Variants in GTF2H1 observed in about 807,000 individuals in gnomAD.
GTF2H1 encodes general transcription factor IIH subunit 1, also known as BTF2 p62.
Under a neutral mutation model 71.2 loss-of-function variants are expected in GTF2H1, and 16 were observed. That is an observed-to-expected ratio of 0.22 (90% CI 0.15 to 0.34). The LOEUF is 0.34. Among genes scored for constraint, GTF2H1 ranks in the 10% least tolerant of loss-of-function variants. The pLI is 1.00. For missense variants in GTF2H1, 498 were observed against 648.2 expected, an observed-to-expected ratio of 0.77 and a Z score of 2.52; for synonymous variants, 215 against 219.0, an observed-to-expected ratio of 0.98 and a Z score of 0.16.
chr11:18,357,173 T>C (rs980687312), intron 11 of GTF2H1, among the ~76,000 whole-genome samples: 2 of 152,200 alleles, frequency 1.3e-5, no homozygotes, highest in Non-Finnish European at 2.9e-5. Context: ...TTAGAGATGC[T>C]AACCCTGCAC....
At position 18,352,437 on chromosome 11, in the gene GTF2H1, GT is replaced by G; in HGVS notation, c.1253del (p.Leu418Ter). ...RQEMEAYTPK[L>X]TQVLSSSAAS... ...AAGAAATGGAAGCTTATACACCCAA[GT>G]TAACTCAGGTAGGTGACTTCTACTG... On this transcript the variant is annotated frameshift_variant, in exon 11 of 15. Transcript: ENST00000265963. LOFTEE classifies it high-confidence loss of function. 7.7e-7 allele frequency: 1 copy of G among 1,296,238 alleles called. No individual in the cohort carries two copies. Among genetic ancestry groups the G allele is most frequent in the South Asian group, 1.2e-5 (1 of 84,210 alleles). The allele number at this position is 1,296,238 out of a possible 1,614,324, so 80.3% of individuals were successfully genotyped here.
chr11:18,361,660 CTCTG>C (rs1318229483), intron 14 of GTF2H1, among the ~76,000 whole-genome samples: 1 of 152,178 alleles, frequency 6.6e-6, no homozygotes, highest in Non-Finnish European at 1.5e-5. Context: ...CACAGTGAGA[CTCTG>C]TCTCAAAAAG....
intron 1 of GTF2H1, among the ~76,000 whole-genome samples, chr11:18,328,608 T>C (rs1415502738): frequency 6.6e-6 from 1 of 151,980 alleles, no homozygotes; most frequent in Non-Finnish European, 1.5e-5. Flanking sequence ...GCGGATCACT[T>C]GCGTCCAGGA....
intron 1 of GTF2H1, chr11:18,332,600 A>G (rs553681925): frequency 6.6e-6 from 1 of 152,530 alleles, no homozygotes; most frequent in South Asian, 2.1e-4. Context: ...ACCAGAAATC[A>G]GGAAACTTTG....
chr11:18,328,498 GCA>G (rs1195343921), intron 1 of GTF2H1, among the ~76,000 whole-genome samples: 62 of 132,870 alleles, frequency 4.7e-4, no homozygotes, highest in Middle Eastern at 0.012. Flanking sequence ...GGGTGACAGA[GCA>G]AGACTCCATC....
intron 2 of GTF2H1, among the ~76,000 whole-genome samples, chr11:18,334,242 T>C (rs1864969936): frequency 6.6e-6 from 1 of 152,150 alleles, no homozygotes; most frequent in South Asian, 2.1e-4. Context: ...TCTCTGGGCA[T>C]GGTGGCGGGC....
chr11:18,323,107 C>G (rs1248395214), intron 1 of GTF2H1, among the ~76,000 whole-genome samples: 1 of 152,130 alleles, frequency 6.6e-6, no homozygotes, highest in African/African-American at 2.4e-5. Context: ...GTTGTCTGCA[C>G]ACCTTTTGCT....
intron 13 of GTF2H1, among the ~76,000 whole-genome samples, chr11:18,359,169 A>G (rs1467616278): frequency 2.6e-5 from 4 of 152,216 alleles, no homozygotes; most frequent in East Asian, 3.8e-4. Context: ...GCAACTCACT[A>G]AAGAATGGAG....
chr11:18,365,410 C>G (rs1030896910), intron 14 of GTF2H1, among the ~76,000 whole-genome samples: 4 of 151,976 alleles, frequency 2.6e-5, no homozygotes, highest in African/African-American at 4.8e-5. Context: ...AAAGTTTATA[C>G]TACCATCCTG....
chr11:18,328,802 G>A (rs1864829801), intron 1 of GTF2H1, among the ~76,000 whole-genome samples: 1 of 151,936 alleles, frequency 6.6e-6, no homozygotes, highest in African/African-American at 2.4e-5. Flanking sequence ...CTCCTGCCTG[G>A]GTGACAGTGA....
intron 11 of GTF2H1, among the ~76,000 whole-genome samples, chr11:18,355,679 A>G (rs1407938354): frequency 1.3e-5 from 2 of 150,792 alleles, no homozygotes; most frequent in Non-Finnish European, 3.0e-5. Context: ...ATCCCTGGCT[A>G]ATTTTTATAT....
At chr11:18,324,686 T>C (rs1468007561) in intron 1 of GTF2H1, among the ~76,000 whole-genome samples, 1 of 152,244 alleles carries the variant, frequency 6.6e-6, no homozygotes, top group Non-Finnish European at 1.5e-5. Flanking sequence ...TTCCTTTCTC[T>C]TTCCTGCCTT....
chr11:18,353,987 CT>C (rs1200545162), intron 11 of GTF2H1, among the ~76,000 whole-genome samples: 1 of 152,118 alleles, frequency 6.6e-6, no homozygotes, highest in Admixed American at 6.5e-5. Context: ...CAAAAGAAAG[CT>C]TTTCTTGGTC....
intron 7 of GTF2H1, among the ~76,000 whole-genome samples, chr11:18,344,330 A>G (rs1195474186): frequency 6.6e-6 from 1 of 151,964 alleles, no homozygotes; most frequent in Non-Finnish European, 1.5e-5. Flanking sequence ...AGTAATAATT[A>G]TAATATAGGC....
intron 7 of GTF2H1, among the ~76,000 whole-genome samples, chr11:18,345,750 A>C (rs1865276952): frequency 6.6e-6 from 1 of 150,444 alleles, no homozygotes; most frequent in African/African-American, 2.4e-5. Context: ...CAGCCTCCCA[A>C]AGTGGTGGGA....
chr11:18,359,684 T>C (rs1458568330), intron 13 of GTF2H1, among the ~76,000 whole-genome samples: 1 of 152,154 alleles, frequency 6.6e-6, no homozygotes, highest in Non-Finnish European at 1.5e-5. Flanking sequence ...TTTGGTATAT[T>C]CATACGTTGA....
chr11:18,335,266 T>C (rs1864998477), intron 2 of GTF2H1, among the ~76,000 whole-genome samples: 1 of 152,226 alleles, frequency 6.6e-6, no homozygotes, highest in South Asian at 2.1e-4. Flanking sequence ...TGAGGCTAAG[T>C]TTGATAACTT....
At position 18,327,969 on chromosome 11, in the gene GTF2H1, G is replaced by A. The variant is rs536843773; in HGVS notation, c.-15-5091G>A. Reference sequence around the variant, plus strand: ...CACGCCTGTAATCGCAGCACTTTGGGAGACTGAGGCGGGGGATCACTAGGT... The same window carrying A: ...CACGCCTGTAATCGCAGCACTTTGGAAGACTGAGGCGGGGGATCACTAGGT... On this transcript the variant is annotated intron_variant, in intron 1 of 14. Transcript: ENST00000265963. Among the ~76,000 whole-genome samples, 7 of 152,278 alleles carry A rather than the reference G, an allele frequency of 4.6e-5. No homozygotes were observed. The East Asian group carries it at 1.4e-3, about 29-fold the overall frequency.
rs757523238 is a variant in GTF2H1 at position 18,347,337 on chromosome 11, G to A, written c.838-251G>A. 49 of 299,600 alleles carry A rather than the reference G, an allele frequency of 1.6e-4. 1 individual carries two copies. Among genetic ancestry groups the A allele is most frequent in the East Asian group, 4.3e-4 (6 of 13,938 alleles). 18.6% of individuals were successfully genotyped at this position (299,600 alleles called of 1,614,324 possible). On this transcript the variant is annotated intron_variant, in intron 7 of 14. Coordinates refer to ENST00000265963, the MANE Select transcript of GTF2H1 (RefSeq NM_005316.4). Reference sequence around the variant, plus strand: ...TGCACTCCAGCCTGAGCAACAGAGCGGGACTCCATCTCAAAAACAGAGAGA... The same window carrying A: ...TGCACTCCAGCCTGAGCAACAGAGCAGGACTCCATCTCAAAAACAGAGAGA...
Sources: allele counts gnomAD v4.1 joint callset (sites outside exome capture counted in the v4.1 genomes callset), GRCh38; gene constraint gnomAD v4.1.1; transcripts MANE v1.5; gene names NCBI Gene and HGNC (gene_info 2026-07-23, HGNC 2026-07-21).